The following STK32A variants were observed in gnomAD, a reference collection of about 807,000 sequenced individuals.
STK32A encodes the protein serine/threonine kinase 32A.
STK32A carries 41 observed loss-of-function variants against 53.2 expected under a neutral mutation model. The observed-to-expected ratio is 0.77, with a 90% CI of 0.60 to 1.00. The LOEUF is 1.00. Ranked by LOEUF, STK32A falls within the 50% of genes least tolerant of loss-of-function variation. STK32A has a pLI of 0.00. For synonymous variants in STK32A, 166 were observed against 162.8 expected, an observed-to-expected ratio of 1.02 and a Z score of -0.15; for missense variants, 458 against 485.8, an observed-to-expected ratio of 0.94 and a Z score of 0.54.
intron 4 of STK32A, among the ~76,000 whole-genome samples, chr5:147,308,335 A>T (rs1226903858): frequency 6.6e-6 from 1 of 152,052 alleles, no homozygotes; most frequent in Non-Finnish European, 1.5e-5. Flanking sequence ...TCAAAATTGT[A>T]TTTCTTGCTA....
At chr5:147,307,182 C>T (rs1312402375) in intron 4 of STK32A, among the ~76,000 whole-genome samples, 1 of 151,696 alleles carries the variant, frequency 6.6e-6, no homozygotes, top group African/African-American at 2.4e-5. Flanking sequence ...TTCTTTGGGG[C>T]ATATAAACTA....
intron 4 of STK32A, among the ~76,000 whole-genome samples, chr5:147,291,382 C>A (rs570642818): frequency 6.6e-6 from 1 of 151,990 alleles, no homozygotes; most frequent in Admixed American, 6.6e-5. Flanking sequence ...ATTGGGATGG[C>A]ATCGCAGGGT....
chr5:147,362,131 A>G (rs1042218514), intron 8 of STK32A, among the ~76,000 whole-genome samples: 2 of 152,240 alleles, frequency 1.3e-5, no homozygotes, highest in African/African-American at 4.8e-5. Context: ...CTTTCCCAGA[A>G]AAAAGAGATG....
chr5:147,351,313 C>A (rs1755966628), intron 7 of STK32A, among the ~76,000 whole-genome samples, 159 bp downstream of exon 7: 1 of 152,084 alleles, frequency 6.6e-6, no homozygotes, highest in Non-Finnish European at 1.5e-5. Context: ...TAGCAAGCAC[C>A]CAAGATGACT....
chr5:147,395,404 TC>T, the STK32A span, among the ~76,000 whole-genome samples: 5 of 152,176 alleles, frequency 3.3e-5, no homozygotes, highest in South Asian at 1.0e-3. Flanking sequence ...CAGGGACCCT[TC>T]CTGCTTGCCC....
At chr5:147,251,769 TG>T (rs5872014) in intron 2 of STK32A, among the ~76,000 whole-genome samples, 36,922 of 152,070 alleles carry the variant, frequency 0.24, 4,530 homozygotes, top group Admixed American at 0.3. Flanking sequence ...AATGAAGTAT[TG>T]GGGGGTTCCA....
At chr5:147,356,148 A>G (rs1338406960) in intron 7 of STK32A, among the ~76,000 whole-genome samples, 1 of 152,154 alleles carries the variant, frequency 6.6e-6, no homozygotes, top group African/African-American at 2.4e-5. Context: ...TGATGTGTTC[A>G]TAATCACACA....
intron 8 of STK32A, among the ~76,000 whole-genome samples, chr5:147,367,706 G>C (rs1210422424): frequency 6.6e-6 from 1 of 152,074 alleles, no homozygotes; most frequent in Admixed American, 6.6e-5. Flanking sequence ...CACTTCTTTT[G>C]TGGTGGAATA....
At chr5:147,330,951 T>G (rs937535295) in intron 5 of STK32A, among the ~76,000 whole-genome samples, 7 of 152,240 alleles carry the variant, frequency 4.6e-5, no homozygotes, top group Non-Finnish European at 8.8e-5. Flanking sequence ...GGCTGGAGTG[T>G]CACCTTTGTG....
intron 4 of STK32A, among the ~76,000 whole-genome samples, chr5:147,314,498 C>CAAAAAAAAAA (rs1171767950): frequency 9.4e-5 from 1 of 10,626 alleles, no homozygotes; most frequent in African/African-American, 6.7e-4. Flanking sequence ...AACTCCATAT[C>CAAAAAAAAAA]AAAAAAAACA....
chr5:147,314,774 A>G lies in STK32A; in HGVS notation c.261-9124A>G, dbSNP rs868744102. On this transcript the variant is annotated intron_variant, in intron 4 of 12. Coordinates refer to ENST00000397936, the MANE Select transcript of STK32A (RefSeq NM_001112724.2). ...TTTTTTTGAGACAGAATCTTGCTCT[A>G]TCTTCCAGGCTGGAGTGCAGTGTGT... Among the ~76,000 whole-genome samples the G allele has an allele frequency of 5.1e-5, 7 of 136,902 alleles. No homozygotes were observed. The South Asian group carries it at 9.0e-4, about 18-fold the overall frequency. 89.8% of individuals were successfully genotyped at this position (136,902 alleles called of 152,430 possible). A position where few individuals can be genotyped will look rare whatever the true frequency, so the allele number is the denominator to read the frequency against.
At chr5:147,399,177 G>C in the STK32A span, 1 of 1,614,240 alleles carries the variant, frequency 6.2e-7, no homozygotes, top group African/African-American at 1.3e-5. Flanking sequence ...CCCTTGCGGG[G>C]ATACAGGTTG....
chr5:147,280,642 C>A (rs370308597), intron 4 of STK32A, among the ~76,000 whole-genome samples: 1 of 151,558 alleles, frequency 6.6e-6, no homozygotes, highest in African/African-American at 2.4e-5. Flanking sequence ...GCAAGGCCCA[C>A]CCAAAGGAGT....
chr5:147,357,409 C>T (rs763004475), intron 7 of STK32A, among the ~76,000 whole-genome samples: 10 of 151,982 alleles, frequency 6.6e-5, no homozygotes, highest in Non-Finnish European at 1.5e-4. Flanking sequence ...AAATTCTTTG[C>T]TCATTTTCTA....
chr5:147,373,406 C>T (rs1416809936), intron 10 of STK32A, 112 bp downstream of exon 10: 1 of 1,402,368 alleles, frequency 7.1e-7, no homozygotes, highest in Non-Finnish European at 9.7e-7. Flanking sequence ...TAAGAGAGCC[C>T]CAATTCCCAT....
chr5:147,393,996 CTCT>C, the STK32A span: 29 of 1,602,574 alleles, frequency 1.8e-5, no homozygotes, highest in Non-Finnish European at 2.5e-5. Flanking sequence ...TCAAAACAAT[CTCT>C]TCTTGCTTCT....
At chr5:147,296,556 A>C (rs967277834) in intron 4 of STK32A, among the ~76,000 whole-genome samples, 1 of 152,100 alleles carries the variant, frequency 6.6e-6, no homozygotes, top group African/African-American at 2.4e-5. Context: ...TCCTAGAGGA[A>C]GGTCATATAC....
intron 2 of STK32A, among the ~76,000 whole-genome samples, chr5:147,246,670 G>A (rs76088424): frequency 6.6e-6 from 1 of 152,120 alleles, no homozygotes; most frequent in East Asian, 1.9e-4. Flanking sequence ...TTTTCCTGCT[G>A]GTTTAATGGC....
chr5:147,300,199 G>T (rs1231444179), intron 4 of STK32A, among the ~76,000 whole-genome samples: 1 of 152,098 alleles, frequency 6.6e-6, no homozygotes, highest in Non-Finnish European at 1.5e-5. Context: ...ATAACAACCT[G>T]GTTGATAGGG....
Sources: gnomAD v4.1 joint callset for allele counts (sites outside exome capture counted in the v4.1 genomes callset) on GRCh38, gnomAD v4.1.1 for gene constraint, MANE v1.5 for transcripts, NCBI Gene and HGNC (gene_info 2026-07-23, HGNC 2026-07-21) for gene names.